RNF208: variants seen among roughly 807,000 people sequenced by gnomAD.
RNF208 encodes the protein ring finger protein 208.
In RNF208, 7 loss-of-function variants were observed where a neutral mutation model predicts 15.2. The ratio of observed to expected loss-of-function variants is 0.46; its 90% CI spans 0.26 to 0.86. The LOEUF (loss-of-function observed/expected upper bound fraction) is 0.86, where lower values mean the gene tolerates loss of function less well. RNF208 is among the 40% of genes least tolerant of loss of function. The probability of loss-of-function intolerance (pLI) is 0.16; values close to 1 mark genes in which losing one functional copy is unlikely to be tolerated. For synonymous variants in RNF208, 211 were observed against 163.2 expected (o/e 1.29, Z -2.23); for missense variants, 342 against 364.1 (o/e 0.94, Z 0.49).
Position 137,220,820 on chromosome 9 carries a change from CGCCGAG to C in RNF208, c.387_392del (p.Ser130_Ala131del). 6.2e-7 allele frequency: 1 copy of C among 1,607,826 alleles called. No homozygotes were observed. Among genetic ancestry groups the C allele is most frequent in the Non-Finnish European group, 8.5e-7 (1 of 1,177,442 alleles). ...GCTCGCCTGCCGCCGCCGAAGAAGC[CGCCGAG>C]GCCGAGGGGCCAGGCCGAATCACGT... On this transcript the variant is annotated inframe_deletion, in exon 2 of 2. Coordinates refer to ENST00000391553, the MANE Select transcript of RNF208 (RefSeq NM_031297.7).
intron 1 of RNF208, among the ~76,000 whole-genome samples, 123 bp downstream of exon 1, chr9:137,221,866 C>A (rs1835876192): frequency 1.3e-5 from 2 of 152,188 alleles, no homozygotes; most frequent in East Asian, 3.9e-4. Context: ...CTCCGCGGGC[C>A]TCAGAACCCA....
chr9:137,220,697 C>A lies in RNF208; in HGVS notation c.516G>T (p.Gln172His). Residue 172 changes from glutamine to histidine, a missense_variant, in exon 2 of 2, where the codon CAG (glutamine) becomes CAT (histidine). This residue lies in a region of RNF208 where 76 missense variants were observed against 118.0 expected (regional missense o/e 0.64). Transcript: ENST00000391553. ...ACTTGGGGCAGGACTCGTAGAGAAT[C>A]TGCAGGCACTGCTCACACACAGAGT... is the stretch of plus-strand genomic sequence containing the variant. ...CLHSVCEQCL[Q>H]ILYESCPKYK... is the part of the protein sequence containing the mutation. 6.2e-7 allele frequency: 1 copy of A among 1,612,592 alleles called. No individual in the cohort carries two copies. The highest frequency in any genetic ancestry group is 8.5e-7 in the Non-Finnish European group (1 of 1,179,934).
rs1465436231 is a variant in RNF208, at chr9:137,221,322, C to T, written c.-110G>A. The T allele has an allele frequency of 2.5e-6, 2 of 798,584 alleles. No individual in the cohort carries two copies. Among genetic ancestry groups the T allele is most frequent in the African/African-American group, 3.5e-5 (2 of 56,724 alleles). 49.5% of individuals were successfully genotyped at this position (798,584 alleles called of 1,614,324 possible). ...GTCCCGCCAGGCCTGGGGGGGGCCCCGGACGGCCCGTGGACTCCTAGGGAC... is the reference window on the plus strand; with the variant it reads ...GTCCCGCCAGGCCTGGGGGGGGCCCTGGACGGCCCGTGGACTCCTAGGGAC... On this transcript the variant is annotated 5_prime_UTR_variant, in exon 2 of 2. Transcript: ENST00000391553.
chr9:137,221,938 G>A (rs928376979), intron 1 of RNF208, among the ~76,000 whole-genome samples, 51 bp downstream of exon 1: 6 of 151,952 alleles, frequency 3.9e-5, no homozygotes, highest in African/African-American at 1.2e-4. Flanking sequence ...GACCCCCGTC[G>A]CGTGGGGAGG....
upstream of RNF208, among the ~76,000 whole-genome samples, chr9:137,222,422 C>G (rs539519986): frequency 6.6e-6 from 1 of 152,074 alleles, no homozygotes; most frequent in Non-Finnish European, 1.5e-5. Flanking sequence ...CGCGTCGCCC[C>G]CAGTTCTCTC....
chr9:137,220,687 C>G lies in RNF208; in HGVS notation c.526G>C (p.Glu176Gln), dbSNP rs763413535. ...VCEQCLQILY[E>Q]SCPKYKFISC... is the part of the protein sequence containing the mutation. ...ATGAACTTGTACTTGGGGCAGGACT[C>G]GTAGAGAATCTGCAGGCACTGCTCA... Residue 176 changes from glutamate to glutamine, a missense_variant, in exon 2 of 2, where the codon GAG becomes CAG. By Grantham distance (29) the Glu-to-Gln change is conservative. Coordinates refer to ENST00000391553, the MANE Select transcript of RNF208 (RefSeq NM_031297.7). The G allele has an allele frequency of 6.2e-7, 1 of 1,612,544 alleles. No homozygotes were observed. The highest frequency in any genetic ancestry group is 1.7e-5 in the Admixed American group (1 of 60,020).
At position 137,221,256 on chromosome 9, in the gene RNF208, GTT is replaced by G; in HGVS notation, c.-46_-45del. 2.8e-6 allele frequency: 1 copy of G among 355,204 alleles called. No homozygotes were observed. The highest frequency in any genetic ancestry group is 4.5e-6 in the Non-Finnish European group (1 of 223,152). 22.0% of individuals were successfully genotyped at this position (355,204 alleles called of 1,614,324 possible). ...ACTGGATGTTCGGGTGGGTGGGGGC[GTT>G]GTGTGGGGCTGGGGGGCAGGTGACA... On this transcript the variant is annotated 5_prime_UTR_variant, in exon 2 of 2. The change abolishes the stop of an existing upstream ORF in the 5' untranslated region. Transcript: ENST00000391553.
chr9:137,221,146 C>T lies in RNF208; in HGVS notation c.67G>A (p.Gly23Ser). 6.3e-7 allele frequency: 1 copy of T among 1,582,842 alleles called. No homozygotes were observed. The highest frequency in any genetic ancestry group is 8.6e-7 in the Non-Finnish European group (1 of 1,162,338). Residue 23 changes from glycine (G) to serine (S), a missense_variant, in exon 2 of 2, where the codon GGT becomes AGT. By Grantham distance (56) the Gly-to-Ser change is moderately conservative. Transcript: ENST00000391553. ...WPGLLMSCLK[G>S]PHVILKMEAM... ...TCCATCTTGAGGATGACATGGGGAC[C>T]CTTCAGGCAGGACATGAGGAGGCCC... is the stretch of plus-strand genomic sequence containing the variant.
In RNF208 at chr9:137,221,049, C is replaced by T; in HGVS notation, c.164G>A (p.Arg55Gln). The change falls in exon 2 of 2, where the codon CGG (arginine) becomes CAG (glutamine). Residue 55 changes from arginine (R) to glutamine (Q), a missense_variant. Transcript: ENST00000391553. ...PAAPCFPPAP[R>Q]PTPTLAPKRA... ...CTTGGGTGCCAGAGTTGGGGTGGGC[C>T]GGGGAGCAGGCGGGAAGCAGGGGGC... is the stretch of plus-strand genomic sequence containing the variant. 2 of 1,594,446 alleles carry T rather than the reference C, an allele frequency of 1.3e-6. No individual in the cohort carries two copies. Among genetic ancestry groups the T allele is most frequent in the South Asian group, 1.1e-5 (1 of 88,486 alleles).
At position 137,220,739 on chromosome 9, in the gene RNF208, G is replaced by T; in HGVS notation, c.474C>A (p.Arg158=). The part of the protein sequence containing the change: ...HSYNVTQRRP[R]VLSCLHSVCE... ...ACACAGAGTGCAGGCAGGACAGCAC[G>T]CGGGGCCTCCGCTGGGTGACATTGT... Residue 158 remains arginine, a synonymous_variant, in exon 2 of 2, where the codon CGC becomes CGA. Transcript: ENST00000391553. 4 of 1,612,470 alleles carry T rather than the reference G, an allele frequency of 2.5e-6. No homozygotes were observed. The highest frequency in any genetic ancestry group is 3.4e-6 in the Non-Finnish European group (4 of 1,179,874).
Position 137,220,331 on chromosome 9 carries a change from TG to T in RNF208, c.*95del. 1.5e-6 allele frequency: 2 copies of T among 1,317,626 alleles called. No individual in the cohort carries two copies. Among genetic ancestry groups the T allele is most frequent in the Non-Finnish European group, 2.0e-6 (2 of 985,404 alleles). The allele number at this position is 1,317,626 out of a possible 1,614,324, so 81.6% of individuals were successfully genotyped here. On this transcript the variant is annotated 3_prime_UTR_variant, in exon 2 of 2. Transcript: ENST00000391553. ...CTCGGGGTGGGGCCGGAAGCCATGG[TG>T]GGGAAGGAAGGGTCAGCGGGCGGCA...
In RNF208 at chr9:137,220,488, T is replaced by G; in HGVS notation, c.725A>C (p.Tyr242Ser). ...EGSCYQTFRQ[Y>S]CGAACTCHVR... is the part of the protein sequence containing the mutation. The stretch of plus-strand genomic sequence containing the variant: ...GTGGCAGGTGCACGCGGCCCCACAG[T>G]ACTGCCGGAAGGTCTGGTAGCAGCT... The change falls in exon 2 of 2, where the codon TAC (tyrosine) becomes TCC (serine). Residue 242 changes from tyrosine to serine, a missense_variant. Physicochemically the swap from Tyr to Ser is moderately radical, Grantham distance 144. Transcript: ENST00000391553. 6.2e-7 allele frequency: 1 copy of G among 1,602,034 alleles called. No individual in the cohort carries two copies. Among genetic ancestry groups the G allele is most frequent in the Non-Finnish European group, 8.5e-7 (1 of 1,175,490 alleles).
upstream of RNF208, among the ~76,000 whole-genome samples, chr9:137,222,303 C>A (rs1480454389): frequency 6.1e-5 from 9 of 148,250 alleles, no homozygotes; most frequent in African/African-American, 1.5e-4. Flanking sequence ...CGCCACCCCC[C>A]GTCTGGGGAC....
At chr9:137,222,868 G>A (rs76296561), upstream of RNF208, among the ~76,000 whole-genome samples, 1,026 of 152,322 alleles carry the variant, frequency 6.7e-3, 11 homozygotes, top group Non-Finnish European at 0.011. Context: ...GCAGGCCCGG[G>A]CCTCTCCGCT....
Position 137,220,505 on chromosome 9 carries a change from G to A in RNF208, c.708C>T (p.Tyr236=). Residue 236 remains tyrosine, a synonymous_variant, in exon 2 of 2, where the codon TAC becomes TAT. Transcript: ENST00000391553. The part of the protein sequence containing the change: ...QWGAEPEGSC[Y]QTFRQYCGAA... ...CCCCACAGTACTGCCGGAAGGTCTG[G>A]TAGCAGCTGCCCTCGGGCTCAGCCC... The A allele has an allele frequency of 6.2e-7, 1 of 1,602,314 alleles. No individual in the cohort carries two copies. Among genetic ancestry groups the A allele is most frequent in the South Asian group, 1.1e-5 (1 of 89,442 alleles).
rs1193651558 is a variant in RNF208, at chr9:137,222,067, G to C, written c.-605C>G. Among the ~76,000 whole-genome samples the C allele has an allele frequency of 6.7e-6, 1 of 148,858 alleles. No homozygotes were observed. The highest frequency in any genetic ancestry group is 1.5e-5 in the Non-Finnish European group (1 of 66,864). On this transcript the variant is annotated 5_prime_UTR_variant, in exon 1 of 2. Coordinates refer to ENST00000391553, the MANE Select transcript of RNF208 (RefSeq NM_031297.7). ...AGGCAGGCCCGGACGCGGCGCCCGC[G>C]CCTCGGCCCGGCAGCTCGGGGGGCT...
At position 137,221,099 on chromosome 9, in the gene RNF208, A is replaced by T. The variant is rs746998757; in HGVS notation, c.114T>A (p.Pro38=). The part of the protein sequence containing the change: ...LKMEAMKIVH[P]EKFPELPAAP... ...CAGCCGGTAGCTCAGGGAACTTTTC[A>T]GGGTGGACAATCTTCATGGCCTCCA... The change falls in exon 2 of 2, where the codon CCT becomes CCA. Residue 38 remains proline (P), a synonymous_variant. Transcript: ENST00000391553. 9 of 1,605,510 alleles carry T rather than the reference A, an allele frequency of 5.6e-6. No individual in the cohort carries two copies. The highest frequency in any genetic ancestry group is 7.7e-6 in the Non-Finnish European group (9 of 1,176,436).
rs200615267 is a variant in RNF208, at chr9:137,220,887, C to T, written c.326G>A (p.Arg109His). 821 of 1,579,164 alleles carry T rather than the reference C, an allele frequency of 5.2e-4. 1 individual carries two copies. The highest frequency in any genetic ancestry group is 6.3e-4 in the Non-Finnish European group (728 of 1,160,652). Residue 109 changes from arginine to histidine, a missense_variant, in exon 2 of 2, where the codon CGC (arginine) becomes CAC (histidine). Arg to His is a conservative substitution (Grantham distance 29). Coordinates refer to ENST00000391553, the MANE Select transcript of RNF208 (RefSeq NM_031297.7). ...RKGSSELGFP[R>H]VAPEDEVIVN... is the part of the protein sequence containing the mutation. ...AATGACCTCATCCTCTGGGGCCACGCGGGGAAAGCCCAGCTCCGAGCTTCC... is the reference window on the plus strand; with the variant it reads ...AATGACCTCATCCTCTGGGGCCACGTGGGGAAAGCCCAGCTCCGAGCTTCC...
In RNF208 at chr9:137,220,873, C is replaced by T. The variant is rs772655617; in HGVS notation, c.340G>A (p.Asp114Asn). 1.2e-5 allele frequency: 19 copies of T among 1,588,154 alleles called. No individual in the cohort carries two copies. The highest frequency in any genetic ancestry group is 1.5e-5 in the Non-Finnish European group (17 of 1,165,248). Residue 114 changes from aspartate (D) to asparagine (N), a missense_variant, in exon 2 of 2, where the codon GAT becomes AAT. This residue lies in a region of RNF208 where 207 missense variants were observed against 193.7 expected (regional missense o/e 1.07). Transcript: ENST00000391553. ...ACGTACTGATTCACAATGACCTCAT[C>T]CTCTGGGGCCACGCGGGGAAAGCCC... ...ELGFPRVAPE[D>N]EVIVNQYVIR...
Sources: gnomAD v4.1 joint callset for allele counts (sites outside exome capture counted in the v4.1 genomes callset) on GRCh38, gnomAD v4.1.1 for gene constraint, gnomAD v4.1.1 regional missense constraint, MANE v1.5 for transcripts, NCBI Gene and HGNC (gene_info 2026-07-23, HGNC 2026-07-21) for gene names.